Variants in VWA5B1 observed in about 807,000 individuals in gnomAD.
VWA5B1 encodes the protein von Willebrand factor A domain containing 5B1.
In VWA5B1, 115 loss-of-function variants were observed where a neutral mutation model predicts 118.2. The ratio of observed to expected loss-of-function variants is 0.97; its 90% CI spans 0.84 to 1.14. The LOEUF is 1.14. Among genes scored for constraint, VWA5B1 ranks in the 50% most tolerant of loss-of-function variants. The probability of loss-of-function intolerance (pLI) is 0.00; values close to 1 mark genes in which losing one functional copy is unlikely to be tolerated. For synonymous variants in VWA5B1, 682 were observed against 658.4 expected (o/e 1.04, Z -0.55); for missense variants, 1,596 against 1,603.8 (o/e 1.00, Z 0.08).
rs2090215362 is a variant in VWA5B1 at position 20,355,618 on chromosome 1, A to G, written c.*1355A>G. Among the ~76,000 whole-genome samples the G allele has an allele frequency of 6.6e-6, 1 of 152,210 alleles. No homozygotes were observed. Among genetic ancestry groups the G allele is most frequent in the Non-Finnish European group, 1.5e-5 (1 of 68,022 alleles). On this transcript the variant is annotated 3_prime_UTR_variant, in exon 22 of 22. Coordinates refer to ENST00000289815, the MANE Select transcript of VWA5B1 (RefSeq NM_001039500.3). ...ACTTCCCTCGTGGGAAGGCCTTGGA[A>G]GCTTAGCTTATCAAACCAACTCGTG...
In VWA5B1 at chr1:20,319,497, A is replaced by AGAGCG; in HGVS notation, c.960_964dup (p.Lys322SerfsTer36). On this transcript the variant is annotated frameshift_variant, in exon 7 of 22. Coordinates refer to ENST00000289815, the MANE Select transcript of VWA5B1 (RefSeq NM_001039500.3). LOFTEE classifies it high-confidence loss of function. ...AAGGGATGAAGAAGAAGAGCAGAGC[A>AGAGCG]GAGCGGAAGGTGAGGGCAACTGAGG... is the stretch of plus-strand genomic sequence containing the variant. 2 of 1,551,756 alleles carry AGAGCG rather than the reference A, an allele frequency of 1.3e-6. No homozygotes were observed. Among genetic ancestry groups the AGAGCG allele is most frequent in the South Asian group, 2.4e-5 (2 of 84,056 alleles).
At chr1:20,291,834 G>A (rs1331908480) in intron 1 of VWA5B1, among the ~76,000 whole-genome samples, 1 of 152,216 alleles carries the variant, frequency 6.6e-6, no homozygotes, top group Non-Finnish European at 1.5e-5. Flanking sequence ...GAGGAACTCA[G>A]CAGCGGGTGC....
rs1248495724 is a variant in VWA5B1 at position 20,314,485 on chromosome 1, A to AACGCTG, written c.457_462dup (p.Thr153_Leu154dup). On this transcript the variant is annotated inframe_insertion, in exon 4 of 22. Coordinates refer to ENST00000289815, the MANE Select transcript of VWA5B1 (RefSeq NM_001039500.3). ...TCATCAGCACCTCCTCGGAGCTCCCAACGCTGCCCAGCGGGGCTGTGAGGG... is the reference window on the plus strand; with the variant it reads ...TCATCAGCACCTCCTCGGAGCTCCCAACGCTGACGCTGCCCAGCGGGGCTGTGAGGG... The AACGCTG allele has an allele frequency of 6.4e-7, 1 of 1,551,748 alleles. No individual in the cohort carries two copies.
Position 20,349,731 on chromosome 1 carries a change from C to CTTT in VWA5B1, c.2879-405_2879-403dup, listed in dbSNP as rs35309990. 2.2e-3 allele frequency among the ~76,000 whole-genome samples: 249 copies of CTTT among 111,748 alleles called. 2 individuals are homozygous for CTTT. Among genetic ancestry groups the CTTT allele is most frequent in the African/African-American group, 2.4e-3 (67 of 27,848 alleles). 73.3% of individuals were successfully genotyped at this position (111,748 alleles called of 152,430 possible). On this transcript the variant is annotated intron_variant, in intron 18 of 21. Coordinates refer to ENST00000289815, the MANE Select transcript of VWA5B1 (RefSeq NM_001039500.3). ...CTCTGATTCATGCCCACATTCCTGA[C>CTTT]TTTTTTTTTTTTTTTTTTTTTTGAG...
At chr1:20,345,864 A>C (rs2089996986) in intron 17 of VWA5B1, among the ~76,000 whole-genome samples, 1 of 152,234 alleles carries the variant, frequency 6.6e-6, no homozygotes, top group South Asian at 2.1e-4. Flanking sequence ...CAACCGGGAC[A>C]ATATGTGCTC....
chr1:20,296,532 T>G (rs1557824918), intron 1 of VWA5B1, among the ~76,000 whole-genome samples: 1 of 152,208 alleles, frequency 6.6e-6, no homozygotes. Context: ...GAAACTTTAA[T>G]CATTATGCTG....
At chr1:20,301,156 G>A (rs1486776436) in intron 1 of VWA5B1, among the ~76,000 whole-genome samples, 1 of 152,246 alleles carries the variant, frequency 6.6e-6, no homozygotes, top group African/African-American at 2.4e-5. Context: ...ATGGCTGGGT[G>A]GCAGGTCTGA....
intron 21 of VWA5B1, among the ~76,000 whole-genome samples, chr1:20,352,438 C>T (rs75796034): frequency 0.053 from 8,072 of 152,292 alleles, 234 homozygotes; most frequent in Middle Eastern, 0.092. Context: ...TCTTTGCAAT[C>T]TGCTATCTTT....
At chr1:20,318,502 C>G in intron 5 of VWA5B1, 88 bp from the exon 6 acceptor site, 1 of 1,531,720 alleles carries the variant, frequency 6.5e-7, no homozygotes, top group African/African-American at 1.4e-5. Flanking sequence ...TCACTCATCT[C>G]TGGCCTGGAT....
At chr1:20,337,566 C>T (rs1237612077) in intron 13 of VWA5B1, 80 bp from the exon 14 acceptor site, 8 of 1,435,370 alleles carry the variant, frequency 5.6e-6, no homozygotes, top group Non-Finnish European at 5.6e-6. Flanking sequence ...TGAGACACTT[C>T]CAAACAGGAA....
rs2090222987 is a variant in VWA5B1, at chr1:20,355,942, G to C, written c.*1679G>C. ...ACCCTCTGGGGAGGAACCCAGGCAG[G>C]CAGGCCTGGACACTGTGGCCATCAC... On this transcript the variant is annotated 3_prime_UTR_variant, in exon 22 of 22. Coordinates refer to ENST00000289815, the MANE Select transcript of VWA5B1 (RefSeq NM_001039500.3). 6.6e-6 allele frequency among the ~76,000 whole-genome samples: 1 copy of C among 152,242 alleles called. No homozygotes were observed. The highest frequency in any genetic ancestry group is 6.5e-5 in the Admixed American group (1 of 15,290).
chr1:20,330,831 G>C, intron 10 of VWA5B1, 38 bp from the exon 11 acceptor site: 1 of 1,535,222 alleles, frequency 6.5e-7, no homozygotes, highest in Non-Finnish European at 8.8e-7. Flanking sequence ...ATGCAGAGAG[G>C]ATAAGACATA....
chr1:20,334,479 C>T (rs1428850899), intron 12 of VWA5B1, among the ~76,000 whole-genome samples: 1 of 152,104 alleles, frequency 6.6e-6, no homozygotes, highest in South Asian at 2.1e-4. Context: ...TATAACTTGC[C>T]GCAGCCCTCC....
At chr1:20,296,972 C>T (rs2100797648) in intron 1 of VWA5B1, among the ~76,000 whole-genome samples, 1 of 152,354 alleles carries the variant, frequency 6.6e-6, no homozygotes, top group Admixed American at 6.5e-5. Context: ...TCTGCATTGC[C>T]TGCCTCGCCT....
intron 18 of VWA5B1, chr1:20,349,225 T>C: frequency 2.2e-6 from 1 of 446,178 alleles, no homozygotes; most frequent in Non-Finnish European, 4.5e-6. Context: ...CTTGGTCCCA[T>C]TGGCCTCCAA....
Position 20,327,876 on chromosome 1 carries a change from T to G in VWA5B1, c.1144-14T>G, listed in dbSNP as rs374203397. The G allele has an allele frequency of 1.1e-4, 173 of 1,550,164 alleles. 2 individuals carry two copies. The African/African-American group carries it at 2.2e-3, about 20-fold the overall frequency. On this transcript the variant is annotated splice_polypyrimidine_tract_variant and intron_variant, in intron 8 of 21. Coordinates refer to ENST00000289815, the MANE Select transcript of VWA5B1 (RefSeq NM_001039500.3). ...TCCTTCCTGAATCCTGAAAACCCCTTTCTCTCCTGCCAGGATGCCATGTTG... is the reference window on the plus strand; with the variant it reads ...TCCTTCCTGAATCCTGAAAACCCCTGTCTCTCCTGCCAGGATGCCATGTTG...
intron 7 of VWA5B1, among the ~76,000 whole-genome samples, chr1:20,321,113 CAAAAAA>C: frequency 1.1e-5 from 1 of 94,206 alleles, no homozygotes; most frequent in East Asian, 2.6e-4. Context: ...GTAACAGAGG[CAAAAAA>C]AAAAAAAAAA....
At chr1:20,301,100 G>A (rs1454852945) in intron 1 of VWA5B1, among the ~76,000 whole-genome samples, 1 of 152,260 alleles carries the variant, frequency 6.6e-6, no homozygotes, top group Non-Finnish European at 1.5e-5. Flanking sequence ...AGAAGGGAAG[G>A]CAATGAATGT....
Position 20,343,342 on chromosome 1 carries a change from A to G in VWA5B1, c.2575A>G (p.Ile859Val), listed in dbSNP as rs956076874. Residue 859 changes from isoleucine to valine, a missense_variant, in exon 16 of 22, where the codon ATC becomes GTC. Transcript: ENST00000289815. ...ETFHHLAARA[I>V]IRDFEQLAER... ...CTTCCACCACCTGGCGGCCCGCGCC[A>G]TCATCCGCGACTTCGAGCAGCTGGC... 11 of 1,541,750 alleles carry G rather than the reference A, an allele frequency of 7.1e-6. No homozygotes were observed. In the East Asian group the frequency reaches 2.4e-4, roughly 34 times the overall value.
Sources: gnomAD v4.1 joint callset for allele counts (sites outside exome capture counted in the v4.1 genomes callset) on GRCh38, gnomAD v4.1.1 for gene constraint, MANE v1.5 for transcripts, NCBI Gene and HGNC (gene_info 2026-07-23, HGNC 2026-07-21) for gene names.